The following TRIO variants were observed in gnomAD, a reference collection of about 807,000 sequenced individuals.
TRIO encodes triple functional domain protein.
Under a neutral mutation model 351.9 loss-of-function variants are expected in TRIO, and 58 were observed. The ratio of observed to expected loss-of-function variants is 0.16; its 90% CI spans 0.13 to 0.21. TRIO has a LOEUF of 0.21. Among genes scored for constraint, TRIO ranks in the 10% least tolerant of loss-of-function variants. The pLI, the probability that TRIO is intolerant of heterozygous loss-of-function variation, is 1.00. For synonymous variants in TRIO, 1,758 were observed against 1,595.7 expected (o/e 1.10, Z -2.42); for missense variants, 3,201 against 4,027.8 (o/e 0.79, Z 5.56).
At chr5:14,159,803 G>C (rs536768877) in intron 1 of TRIO, among the ~76,000 whole-genome samples, 43 of 152,246 alleles carry the variant, frequency 2.8e-4, no homozygotes, top group African/African-American at 9.9e-4. Context: ...TTGACTTCCT[G>C]ATCTGCCCGC....
intron 11 of TRIO, 139 bp from the exon 12 acceptor site, chr5:14,358,039 C>T (rs950413070): frequency 5.4e-5 from 55 of 1,027,020 alleles, no homozygotes; most frequent in Non-Finnish European, 6.9e-5. Flanking sequence ...TTCCTTCCTT[C>T]CCTCCGGGAG....
chr5:14,420,144 A>C lies in TRIO; in HGVS notation c.5203+123A>C, dbSNP rs532926693. 9.8e-6 allele frequency: 14 copies of C among 1,432,286 alleles called. No individual in the cohort carries two copies. The East Asian group carries it at 3.3e-4, about 34-fold the overall frequency. The allele number at this position is 1,432,286 out of a possible 1,614,324, so 88.7% of individuals were successfully genotyped here. A position where few individuals can be genotyped will look rare whatever the true frequency, so the allele number is the denominator to read the frequency against. Reference sequence around the variant, plus strand: ...TCCTTGTCAGCTGTGCCTTCAGCACATGGTCACTGACTGTCCGGGCATTTC... The same window carrying C: ...TCCTTGTCAGCTGTGCCTTCAGCACCTGGTCACTGACTGTCCGGGCATTTC... On this transcript the variant is annotated intron_variant, in intron 34 of 56. Coordinates refer to ENST00000344204, the MANE Select transcript of TRIO (RefSeq NM_007118.4).
At chr5:14,213,037 A>C (rs1267360798) in intron 1 of TRIO, among the ~76,000 whole-genome samples, 4 of 152,198 alleles carry the variant, frequency 2.6e-5, no homozygotes, top group Non-Finnish European at 4.4e-5. Context: ...GACAAAGTAC[A>C]CTAGGGGAAT....
intron 8 of TRIO, among the ~76,000 whole-genome samples, chr5:14,310,628 T>C (rs1032947819): frequency 6.6e-6 from 1 of 152,168 alleles, no homozygotes; most frequent in Non-Finnish European, 1.5e-5. Flanking sequence ...GGAAACTTCT[T>C]AAAACCAAAA....
chr5:14,151,978 G>A (rs930701010), intron 1 of TRIO, among the ~76,000 whole-genome samples: 3 of 150,918 alleles, frequency 2.0e-5, no homozygotes, highest in African/African-American at 7.3e-5. Context: ...AGGACCGAGA[G>A]CTACAATTCC....
chr5:14,280,929 T>C (rs965255135), intron 3 of TRIO, among the ~76,000 whole-genome samples: 1 of 152,210 alleles, frequency 6.6e-6, no homozygotes, highest in South Asian at 2.1e-4. Context: ...TGAGACTCCA[T>C]TGGTAATGGG....
At chr5:14,501,530 A>G (rs1183570750) in intron 53 of TRIO, among the ~76,000 whole-genome samples, 1 of 152,210 alleles carries the variant, frequency 6.6e-6, no homozygotes, top group East Asian at 1.9e-4. Flanking sequence ...AGCACATGGC[A>G]TCCACCAGGA....
chr5:14,489,005 T>C (rs916848986), intron 48 of TRIO: 2 of 765,146 alleles, frequency 2.6e-6, no homozygotes, highest in African/African-American at 1.7e-5. Flanking sequence ...GCTTCCTCAC[T>C]GTCCTACCCA....
At chr5:14,377,543 C>T (rs149301843) in intron 19 of TRIO, among the ~76,000 whole-genome samples, 86 of 152,248 alleles carry the variant, frequency 5.6e-4, no homozygotes, top group African/African-American at 1.9e-3. Context: ...AGCCACCGCG[C>T]CCAGCTTGGT....
chr5:14,159,185 T>A (rs1193741141), intron 1 of TRIO, among the ~76,000 whole-genome samples: 2 of 152,126 alleles, frequency 1.3e-5, no homozygotes, highest in African/African-American at 4.8e-5. Flanking sequence ...CTTTTTTTGG[T>A]GTTAGAAAAA....
chr5:14,473,395 A>G (rs944526117), intron 39 of TRIO, among the ~76,000 whole-genome samples: 1 of 152,242 alleles, frequency 6.6e-6, no homozygotes, highest in African/African-American at 2.4e-5. Context: ...ATTAAAGTCA[A>G]TTGCATAACA....
At chr5:14,437,746 A>C (rs965706666) in intron 34 of TRIO, among the ~76,000 whole-genome samples, 1 of 147,808 alleles carries the variant, frequency 6.8e-6, no homozygotes, top group Non-Finnish European at 1.5e-5. Context: ...TCCGCCTCAA[A>C]GCACAGTCGC....
At chr5:14,349,394 A>G (rs1742826647) in intron 11 of TRIO, among the ~76,000 whole-genome samples, 1 of 152,158 alleles carries the variant, frequency 6.6e-6, no homozygotes, top group East Asian at 1.9e-4. Flanking sequence ...GTTTTACCCT[A>G]TTATTCCATA....
At chr5:14,385,994 A>G (rs949387223) in intron 21 of TRIO, among the ~76,000 whole-genome samples, 1 of 152,220 alleles carries the variant, frequency 6.6e-6, no homozygotes, top group Non-Finnish European at 1.5e-5. Context: ...TGAAACAAGC[A>G]AAGATTTCTG....
At chr5:14,152,885 C>G (rs770218131) in intron 1 of TRIO, among the ~76,000 whole-genome samples, 6 of 152,162 alleles carry the variant, frequency 3.9e-5, no homozygotes, top group Non-Finnish European at 7.3e-5. Context: ...TCATTTAGTG[C>G]CAGAATGTTG....
At chr5:14,227,155 C>A (rs908894589) in intron 1 of TRIO, among the ~76,000 whole-genome samples, 1 of 152,186 alleles carries the variant, frequency 6.6e-6, no homozygotes, top group African/African-American at 2.4e-5. Flanking sequence ...GTTCCGCACC[C>A]GCAGTCCTTG....
chr5:14,440,966 G>A (rs903801780), intron 34 of TRIO: 1 of 152,126 alleles, frequency 6.6e-6, no homozygotes, highest in Non-Finnish European at 1.5e-5. Context: ...GAAATCCACC[G>A]CGTCTGGGTA....
At chr5:14,474,967 G>A (rs749184972) in intron 40 of TRIO, among the ~76,000 whole-genome samples, 81 of 152,128 alleles carry the variant, frequency 5.3e-4, no homozygotes, top group African/African-American at 1.9e-3. Context: ...GAGCCACCAC[G>A]CCTGGCCCAA....
In TRIO at chr5:14,498,102, C is replaced by T. The variant is rs371720824; in HGVS notation, c.8061C>T (p.Phe2687=). Residue 2687 remains phenylalanine, a synonymous_variant, in exon 52 of 57, where the codon TTC becomes TTT. Transcript: ENST00000344204. The stretch of plus-strand genomic sequence containing the variant: ...TTTCCCATGCAGTTCCCCCAGAATT[C>T]GTCATTCCATTGAGTGAGGTCACGT... ...PNYIYDVPPE[F]VIPLSEVTCE... The T allele has an allele frequency of 3.3e-5, 54 of 1,614,032 alleles. No individual in the cohort carries two copies. Among genetic ancestry groups the T allele is most frequent in the Middle Eastern group, 1.6e-4 (1 of 6,084 alleles).
Sources: gnomAD v4.1 joint callset for allele counts (sites outside exome capture counted in the v4.1 genomes callset) on GRCh38, gnomAD v4.1.1 for gene constraint, MANE v1.5 for transcripts, NCBI Gene and HGNC (gene_info 2026-07-23, HGNC 2026-07-21) for gene names.